The following EPYC variants were observed in gnomAD, a reference collection of about 807,000 sequenced individuals.
EPYC encodes epiphycan, also known as dermatan sulfate proteoglycan 3.
Under a neutral mutation model 30.1 loss-of-function variants are expected in EPYC, and 28 were observed. The ratio of observed to expected loss-of-function variants is 0.93; its 90% CI spans 0.69 to 1.28. The LOEUF is 1.28. Among genes scored for constraint, EPYC ranks in the 50% most tolerant of loss-of-function variants. The pLI is 0.00. For missense variants in EPYC, 382 were observed against 383.5 expected (o/e 1.00, Z 0.03); for synonymous variants, 144 against 141.4 (o/e 1.02, Z -0.13).
chr12:90,998,505 C>T (rs1166627595), intron 2 of EPYC, among the ~76,000 whole-genome samples: 1 of 151,892 alleles, frequency 6.6e-6, no homozygotes, highest in African/African-American at 2.4e-5. Context: ...TTTAATGACC[C>T]TTTCTCAACA....
intron 2 of EPYC, among the ~76,000 whole-genome samples, chr12:90,999,244 G>A (rs1233797877): frequency 6.6e-6 from 1 of 151,900 alleles, no homozygotes; most frequent in Non-Finnish European, 1.5e-5. Context: ...GACTTTTAGG[G>A]AACATCTTAG....
intron 2 of EPYC, among the ~76,000 whole-genome samples, chr12:90,995,058 G>A (rs1877666993): frequency 6.6e-6 from 1 of 152,076 alleles, no homozygotes; most frequent in African/African-American, 2.4e-5. Flanking sequence ...ATATAGATAT[G>A]TTAAGCACAG....
rs769021747 is a variant in EPYC, at chr12:90,971,936, TTTCGGAATGCATC to T, written c.553_565del (p.Asp185AsnfsTer15). The T allele has an allele frequency of 3.7e-5, 59 of 1,611,316 alleles. No homozygotes were observed. The highest frequency in any genetic ancestry group is 4.6e-5 in the Non-Finnish European group (54 of 1,178,814). Reference sequence around the variant, plus strand: ...GACAAGCTCTCGAAGTTGAGGCAGTTTTCGGAATGCATCTTCATCAATCTCAGATATTAAATTT... The same window carrying T: ...GACAAGCTCTCGAAGTTGAGGCAGTTTTCATCAATCTCAGATATTAAATTT... On this transcript the variant is annotated frameshift_variant, in exon 5 of 7. Transcript: ENST00000261172. LOFTEE classifies it high-confidence loss of function.
chr12:90,984,764 AC>A (rs1877408125), intron 2 of EPYC, among the ~76,000 whole-genome samples: 2 of 151,794 alleles, frequency 1.3e-5, no homozygotes, highest in Admixed American at 1.3e-4. Flanking sequence ...AATCTCCTCC[AC>A]CCAGAAGGAA....
Position 90,974,038 on chromosome 12 carries a change from T to TCACACACACACA in EPYC, c.341-1070_341-1059dup, listed in dbSNP as rs560408641. Among the ~76,000 whole-genome samples the TCACACACACACA allele has an allele frequency of 6.9e-3, 967 of 140,444 alleles. 5 individuals are homozygous for TCACACACACACA. Among genetic ancestry groups the TCACACACACACA allele is most frequent in the Middle Eastern group, 0.018 (5 of 272 alleles). The allele number at this position is 140,444 out of a possible 152,430, so 92.1% of individuals were successfully genotyped here. On this transcript the variant is annotated intron_variant, in intron 3 of 6. Coordinates refer to ENST00000261172, the MANE Select transcript of EPYC (RefSeq NM_004950.5). ...TTTTTCTTTTCTGTCTTACACACACTCACACACACACACACACACACACAC... is the reference window on the plus strand; with the variant it reads ...TTTTTCTTTTCTGTCTTACACACACTCACACACACACACACACACACACACACACACACACAC...
At chr12:90,969,995 C>T (rs1165455765) in intron 6 of EPYC, 49 bp downstream of exon 6, 9 of 1,384,050 alleles carry the variant, frequency 6.5e-6, no homozygotes, top group Admixed American at 5.2e-5. Flanking sequence ...TCCTTTTTGG[C>T]TTTGCTTTCT....
At chr12:91,001,146 A>G (rs1413413077) in intron 2 of EPYC, among the ~76,000 whole-genome samples, 2 of 151,998 alleles carry the variant, frequency 1.3e-5, no homozygotes, top group Admixed American at 6.6e-5. Flanking sequence ...TGAAAGTAAG[A>G]GAGAGAAGGG....
chr12:90,964,479 A>G (rs1920740), intron 6 of EPYC, among the ~76,000 whole-genome samples, 153 bp from the exon 7 acceptor site: 100,640 of 152,036 alleles, frequency 0.66, 36,109 homozygotes, highest in East Asian at 0.8. Flanking sequence ...TTTCTAAGCA[A>G]TGGGGGTAAA....
In EPYC at chr12:91,002,499, G is replaced by C; in HGVS notation, c.67C>G (p.Leu23Val). The change falls in exon 2 of 7, where the codon CTA (leucine) becomes GTA (valine). Residue 23 changes from leucine to valine, a missense_variant. By Grantham distance (32) the Leu-to-Val change is conservative. Transcript: ENST00000261172. The stretch of plus-strand genomic sequence containing the variant: ...TCTGAGTCATAGTTGATGGACTCTA[G>C]AGTTGGGGCAGTCACAGCAGCATCA... ...IFDAAVTAPT[L>V]ESINYDSETY... The C allele has an allele frequency of 1.2e-6, 2 of 1,613,350 alleles. No individual in the cohort carries two copies. The highest frequency in any genetic ancestry group is 1.7e-6 in the Non-Finnish European group (2 of 1,179,596).
intron 2 of EPYC, among the ~76,000 whole-genome samples, chr12:90,993,866 G>C (rs1312821395): frequency 1.3e-5 from 2 of 151,962 alleles, no homozygotes; most frequent in Non-Finnish European, 2.9e-5. Context: ...CTTAAATACT[G>C]TTAAGAAAAG....
intron 2 of EPYC, among the ~76,000 whole-genome samples, chr12:90,986,740 A>G (rs1169349480): frequency 1.3e-5 from 2 of 152,286 alleles, no homozygotes; most frequent in African/African-American, 2.4e-5. Flanking sequence ...CCAGCAGCAC[A>G]TCGGAACCCA....
chr12:90,998,092 C>T (rs1314506176), intron 2 of EPYC, among the ~76,000 whole-genome samples: 1 of 151,954 alleles, frequency 6.6e-6, no homozygotes, highest in East Asian at 1.9e-4. Flanking sequence ...CTCATCTATT[C>T]AATAGGAATA....
chr12:90,998,771 T>C (rs2120868264), intron 2 of EPYC, among the ~76,000 whole-genome samples: 1 of 152,314 alleles, frequency 6.6e-6, no homozygotes, highest in Non-Finnish European at 1.5e-5. Context: ...ATACCCATTT[T>C]TTTAGCCCAC....
At chr12:90,983,981 G>C (rs1328815617) in intron 2 of EPYC, among the ~76,000 whole-genome samples, 1 of 152,052 alleles carries the variant, frequency 6.6e-6, no homozygotes, top group African/African-American at 2.4e-5. Flanking sequence ...CTAGGATATG[G>C]GGAGCCTCAG....
chr12:90,994,441 C>T (rs1023550304), intron 2 of EPYC, among the ~76,000 whole-genome samples: 11 of 152,154 alleles, frequency 7.2e-5, no homozygotes, highest in African/African-American at 2.7e-4. Flanking sequence ...GGTTGTATGA[C>T]TTGCCCAAGG....
chr12:90,968,085 C>T (rs1876945650), intron 6 of EPYC, among the ~76,000 whole-genome samples: 1 of 152,202 alleles, frequency 6.6e-6, no homozygotes, highest in Non-Finnish European at 1.5e-5. Flanking sequence ...TTTTGGGCCT[C>T]TGTTGTTAGA....
chr12:90,978,891 GT>G (rs1377765899), intron 2 of EPYC, among the ~76,000 whole-genome samples: 3 of 152,074 alleles, frequency 2.0e-5, no homozygotes, highest in African/African-American at 7.2e-5. Flanking sequence ...CATTTCTCAT[GT>G]GTTTTCAATA....
intron 1 of EPYC, among the ~76,000 whole-genome samples, chr12:91,003,571 C>T (rs972454765): frequency 1.3e-5 from 2 of 151,910 alleles, no homozygotes; most frequent in South Asian, 2.1e-4. Context: ...CATTTGAATA[C>T]ATTTTGGTTT....
In EPYC at chr12:90,968,087, GT is replaced by G. The variant is rs1324232811; in HGVS notation, c.798+1956del. 5.9e-5 allele frequency among the ~76,000 whole-genome samples: 9 copies of G among 152,174 alleles called. No individual in the cohort carries two copies. The East Asian group carries it at 9.6e-4, about 16-fold the overall frequency. ...TTTGCCTCATGTATTTTGGGCCTCTGTTGTTAGATGCATATATGTTTATAAT... is the reference window on the plus strand; with the variant it reads ...TTTGCCTCATGTATTTTGGGCCTCTGTGTTAGATGCATATATGTTTATAAT... On this transcript the variant is annotated intron_variant, in intron 6 of 6. Coordinates refer to ENST00000261172, the MANE Select transcript of EPYC (RefSeq NM_004950.5).
Sources: gnomAD v4.1 joint callset for allele counts (sites outside exome capture counted in the v4.1 genomes callset) on GRCh38, gnomAD v4.1.1 for gene constraint, MANE v1.5 for transcripts, NCBI Gene and HGNC (gene_info 2026-07-23, HGNC 2026-07-21) for gene names.